Variants in FAM184B observed in about 807,000 individuals in gnomAD.
FAM184B encodes protein FAM184B.
FAM184B carries 111 observed loss-of-function variants against 135.9 expected under a neutral mutation model. That is an observed-to-expected ratio of 0.82 (90% CI 0.70 to 0.96). The LOEUF is 0.96. FAM184B is among the 40% of genes least tolerant of loss of function. FAM184B has a pLI of 0.00. For missense variants in FAM184B, 1,375 were observed against 1,323.9 expected, an observed-to-expected ratio of 1.04 and a Z score of -0.60; for synonymous variants, 552 against 524.8, an observed-to-expected ratio of 1.05 and a Z score of -0.71.
intron 13 of FAM184B, 52 bp downstream of exon 13, chr4:17,642,004 G>C: frequency 6.8e-7 from 1 of 1,472,264 alleles, no homozygotes; most frequent in Non-Finnish European, 8.9e-7. Context: ...AGGGGGGGTG[G>C]CGGGGTAGGG....
At chr4:17,673,413 G>A (rs183950919) in intron 7 of FAM184B, among the ~76,000 whole-genome samples, 13 of 152,270 alleles carry the variant, frequency 8.5e-5, no homozygotes, top group African/African-American at 2.2e-4. Context: ...TCCCACTACT[G>A]GGTATCTACC....
In FAM184B at chr4:17,704,308, G is replaced by C. The variant is rs1002132142; in HGVS notation, c.1377+692C>G. Among the ~76,000 whole-genome samples the C allele has an allele frequency of 8.5e-5, 13 of 152,304 alleles. 1 individual carries two copies. The Middle Eastern group carries it at 0.01, about 120-fold the overall frequency. ...TTATTCCAGCAAACACAAGAGACGA[G>C]GCTTTGCATGCCTTGCCAGCAGAAA... On this transcript the variant is annotated intron_variant, in intron 5 of 17. Coordinates refer to ENST00000265018, the MANE Select transcript of FAM184B (RefSeq NM_015688.2).
At chr4:17,647,884 C>T (rs1202401695) in intron 11 of FAM184B, 93 bp from the exon 12 acceptor site, 35 of 1,396,586 alleles carry the variant, frequency 2.5e-5, no homozygotes, top group South Asian at 5.6e-5. Context: ...GGTTGGATGA[C>T]GTGGGTGGCT....
At chr4:17,669,932 A>G (rs1382314011) in intron 7 of FAM184B, among the ~76,000 whole-genome samples, 2 of 152,200 alleles carry the variant, frequency 1.3e-5, no homozygotes, top group Non-Finnish European at 2.9e-5. Flanking sequence ...TCAAACATAC[A>G]TGTTTTACTA....
intron 7 of FAM184B, among the ~76,000 whole-genome samples, chr4:17,682,838 A>G (rs887699961): frequency 6.6e-6 from 1 of 152,198 alleles, no homozygotes; most frequent in Admixed American, 6.5e-5. Context: ...GCTTTGCAGA[A>G]CAGCTACTGG....
Position 17,707,744 on chromosome 4 carries a change from G to C in FAM184B, c.935C>G (p.Ser312Ter). Residue 312 changes from serine (S) to a stop codon, truncating the protein, a stop_gained, in exon 3 of 18, where the codon TCA becomes TGA. Transcript: ENST00000265018. LOFTEE classifies it high-confidence loss of function. ...TTTTTTTGCAGTGCCTTTCAACTCTGAATTCTCCTGTCGAGCCTCCTTAAG... is the reference window on the plus strand; with the variant it reads ...TTTTTTTGCAGTGCCTTTCAACTCTCAATTCTCCTGTCGAGCCTCCTTAAG... ...VQLKEARQENSELKGTAKKLG... is the reference protein window; with the variant it reads ...VQLKEARQEN 6.4e-7 allele frequency: 1 copy of C among 1,551,940 alleles called. No individual in the cohort carries two copies. Among genetic ancestry groups the C allele is most frequent in the Non-Finnish European group, 8.7e-7 (1 of 1,147,030 alleles).
At chr4:17,688,293 G>T in intron 7 of FAM184B, 131 bp downstream of exon 7, 6 of 618,362 alleles carry the variant, frequency 9.7e-6, no homozygotes, top group East Asian at 3.3e-5. Context: ...TTTTTTTTCC[G>T]GGCATTTTGG....
intron 1 of FAM184B, among the ~76,000 whole-genome samples, chr4:17,720,883 TAAA>T (rs59409749): frequency 1.1e-3 from 108 of 100,276 alleles, no homozygotes; most frequent in African/African-American, 2.1e-3. Context: ...AGACTTCATC[TAAA>T]AAAAAAAAAA....
At chr4:17,680,925 A>G (rs1020922499) in intron 7 of FAM184B, among the ~76,000 whole-genome samples, 4 of 152,350 alleles carry the variant, frequency 2.6e-5, no homozygotes, top group Middle Eastern at 3.4e-3. Context: ...AGTTCATTTG[A>G]CAATCTTTCA....
At chr4:17,721,829 G>A (rs1230202076) in intron 1 of FAM184B, among the ~76,000 whole-genome samples, 1 of 152,190 alleles carries the variant, frequency 6.6e-6, no homozygotes, top group African/African-American at 2.4e-5. Context: ...CCTCGCAATG[G>A]GCCTAAGATC....
chr4:17,657,443 G>A (rs769036366), intron 10 of FAM184B, among the ~76,000 whole-genome samples: 15 of 152,098 alleles, frequency 9.9e-5, no homozygotes, highest in Admixed American at 3.3e-4. Flanking sequence ...CTCTCCCTTG[G>A]TTTGCTCCCT....
chr4:17,704,269 CAT>C (rs1717057560), intron 5 of FAM184B, among the ~76,000 whole-genome samples: 1 of 152,238 alleles, frequency 6.6e-6, no homozygotes, highest in African/African-American at 2.4e-5. Flanking sequence ...GAAATCTTCA[CAT>C]ATGTTACTTA....
chr4:17,734,103 G>T (rs1717851995), intron 1 of FAM184B, among the ~76,000 whole-genome samples: 1 of 152,176 alleles, frequency 6.6e-6, no homozygotes, highest in Non-Finnish European at 1.5e-5. Flanking sequence ...TTTAATAAAT[G>T]GTGCTGGGAA....
In FAM184B at chr4:17,660,613, C is replaced by A. The variant is rs77628045; in HGVS notation, c.1695-526G>T. Among the ~76,000 whole-genome samples the A allele has an allele frequency of 6.6e-4, 100 of 151,994 alleles. 1 individual carries two copies. In the East Asian group the frequency reaches 0.019, roughly 28 times the overall value. On this transcript the variant is annotated intron_variant, in intron 8 of 17. Transcript: ENST00000265018. ...TAGGCCTCCACATATGCAACATGAA[C>A]AAGGAAATGCTAGTTTAAAGCTGCA...
chr4:17,737,170 G>T (rs1455949523), intron 1 of FAM184B, among the ~76,000 whole-genome samples: 1 of 151,816 alleles, frequency 6.6e-6, no homozygotes, highest in Non-Finnish European at 1.5e-5. Context: ...AAAGGATAAA[G>T]GGGAGATGGC....
At chr4:17,714,359 T>C (rs893961123) in intron 1 of FAM184B, among the ~76,000 whole-genome samples, 3 of 152,264 alleles carry the variant, frequency 2.0e-5, no homozygotes, top group African/African-American at 4.8e-5. Context: ...AGGGCTTATG[T>C]CCTTTCCACA....
chr4:17,741,707 A>G (rs571007101), intron 1 of FAM184B, among the ~76,000 whole-genome samples: 7 of 152,168 alleles, frequency 4.6e-5, no homozygotes, highest in South Asian at 2.1e-4. Flanking sequence ...ACAAAACAAA[A>G]CAAGAAAACG....
At chr4:17,765,982 C>CCG (rs1553844130) in intron 1 of FAM184B, among the ~76,000 whole-genome samples, 1 of 152,058 alleles carries the variant, frequency 6.6e-6, no homozygotes, top group Non-Finnish European at 1.5e-5. Flanking sequence ...TCATTCCCCC[C>CCG]GGCAGGTTCA....
intron 1 of FAM184B, among the ~76,000 whole-genome samples, chr4:17,732,062 G>A (rs1430793500): frequency 6.6e-6 from 1 of 152,180 alleles, no homozygotes; most frequent in Non-Finnish European, 1.5e-5. Context: ...CATGGAAACT[G>A]AACAACCTGC....
Sources: gnomAD v4.1 joint callset for allele counts (sites outside exome capture counted in the v4.1 genomes callset) on GRCh38, gnomAD v4.1.1 for gene constraint, MANE v1.5 for transcripts, NCBI Gene and HGNC (gene_info 2026-07-23, HGNC 2026-07-21) for gene names.